Variants in TMEM132C observed in about 807,000 individuals in gnomAD.
The protein encoded by TMEM132C is protein phosphatase 1, regulatory subunit 152.
TMEM132C carries 29 observed loss-of-function variants against 61.4 expected under a neutral mutation model. The observed-to-expected ratio is 0.47, with a 90% CI of 0.35 to 0.64. TMEM132C has a LOEUF of 0.64. Among genes scored for constraint, TMEM132C ranks in the 30% least tolerant of loss-of-function variants. The probability of loss-of-function intolerance (pLI) is 0.00; values close to 1 mark genes in which losing one functional copy is unlikely to be tolerated. For missense variants in TMEM132C, 1,408 were observed against 1,476.9 expected (o/e 0.95, Z 0.76); for synonymous variants, 656 against 633.1 (o/e 1.04, Z -0.54).
At chr12:128,564,315 G>C (rs1318428878) in intron 3 of TMEM132C, among the ~76,000 whole-genome samples, 1 of 152,182 alleles carries the variant, frequency 6.6e-6, no homozygotes, top group African/African-American at 2.4e-5. Flanking sequence ...CAACACCTTT[G>C]TGTTGAGAAA....
chr12:128,304,837 G>T (rs941858281), intron 1 of TMEM132C, among the ~76,000 whole-genome samples: 3 of 152,190 alleles, frequency 2.0e-5, no homozygotes, highest in African/African-American at 7.2e-5. Context: ...GGCCACTTCA[G>T]TTAGGAAAGG....
chr12:128,569,996 G>A (rs1313096962), intron 3 of TMEM132C, among the ~76,000 whole-genome samples: 2 of 152,106 alleles, frequency 1.3e-5, no homozygotes, highest in Non-Finnish European at 2.9e-5. Context: ...GATCACTTTC[G>A]ATGCTCTTTT....
chr12:128,461,373 A>C (rs574804738), intron 2 of TMEM132C, among the ~76,000 whole-genome samples: 1 of 152,326 alleles, frequency 6.6e-6, no homozygotes. Context: ...GACATTTTCA[A>C]ATACTTTGAG....
At chr12:128,305,941 A>C (rs1009566065) in intron 1 of TMEM132C, among the ~76,000 whole-genome samples, 2 of 152,184 alleles carry the variant, frequency 1.3e-5, no homozygotes, top group Non-Finnish European at 2.9e-5. Context: ...AGATTATCTC[A>C]AGGAGTCAGT....
At chr12:128,466,042 C>A (rs556964378) in intron 2 of TMEM132C, among the ~76,000 whole-genome samples, 2 of 151,910 alleles carry the variant, frequency 1.3e-5, no homozygotes, top group Admixed American at 1.3e-4. Flanking sequence ...AAAATTAATG[C>A]CAAAAAAACC....
At chr12:128,430,829 G>A (rs571684978) in intron 2 of TMEM132C, among the ~76,000 whole-genome samples, 46 of 152,320 alleles carry the variant, frequency 3.0e-4, no homozygotes, top group Non-Finnish European at 2.5e-4. Context: ...AATAAATGTT[G>A]TGTGTGTTTT....
At chr12:128,340,937 TC>T (rs1485490673) in intron 1 of TMEM132C, among the ~76,000 whole-genome samples, 3 of 128,732 alleles carry the variant, frequency 2.3e-5, no homozygotes, top group East Asian at 2.1e-4. Flanking sequence ...TCTCTCTCTC[TC>T]TCTCTCTTTC....
intron 1 of TMEM132C, among the ~76,000 whole-genome samples, chr12:128,410,615 AG>A (rs1295896351): frequency 6.6e-6 from 1 of 152,150 alleles, no homozygotes; most frequent in Non-Finnish European, 1.5e-5. Context: ...CATGTTGGCC[AG>A]GATGGTCTCG....
chr12:128,686,100 GTGTGTGCATGTGTGTGTGCATGTA>G (rs990640465), intron 5 of TMEM132C, among the ~76,000 whole-genome samples: 1 of 149,828 alleles, frequency 6.7e-6, no homozygotes, highest in Admixed American at 6.6e-5. Flanking sequence ...GTGTGCGCAT[GTGTGTGCATGTGTGTGTGCATGTA>G]TGTGTGCATG....
At chr12:128,620,712 T>G (rs938323767) in intron 4 of TMEM132C, among the ~76,000 whole-genome samples, 3 of 152,122 alleles carry the variant, frequency 2.0e-5, no homozygotes. Flanking sequence ...TTTGAAAAGT[T>G]TCAAATCATT....
intron 6 of TMEM132C, among the ~76,000 whole-genome samples, chr12:128,694,789 G>A (rs189483546): frequency 3.3e-5 from 5 of 152,216 alleles, no homozygotes; most frequent in Non-Finnish European, 5.9e-5. Context: ...GAGGAAAGCT[G>A]TGAATCTACC....
Position 128,297,141 on chromosome 12 carries a change from G to A in TMEM132C, c.85+29654G>A, listed in dbSNP as rs529758230. Among the ~76,000 whole-genome samples, 123 of 152,228 alleles carry A rather than the reference G, an allele frequency of 8.1e-4. 1 individual carries two copies. Among genetic ancestry groups the A allele is most frequent in the African/African-American group, 2.8e-3 (117 of 41,548 alleles). ...AGAAAGCAGCAAGGGTCTGTTTTTA[G>A]GGGCTGGACTGGCCATCTTTTCAGT... On this transcript the variant is annotated intron_variant, in intron 1 of 8. Coordinates refer to ENST00000435159, the MANE Select transcript of TMEM132C (RefSeq NM_001136103.3).
chr12:128,543,772 C>T (rs1873846360), intron 2 of TMEM132C, among the ~76,000 whole-genome samples, 185 bp from the exon 3 acceptor site: 1 of 152,106 alleles, frequency 6.6e-6, no homozygotes, highest in East Asian at 1.9e-4. Context: ...CTGCCTTATC[C>T]ACAGGCAGAT....
chr12:128,441,233 A>G (rs966916337), intron 2 of TMEM132C, among the ~76,000 whole-genome samples: 2 of 152,182 alleles, frequency 1.3e-5, no homozygotes, highest in Admixed American at 6.5e-5. Context: ...GCCACGGTCA[A>G]CCTCATCAGA....
At chr12:128,492,601 GTGA>G (rs1871779965) in intron 2 of TMEM132C, among the ~76,000 whole-genome samples, 1 of 152,200 alleles carries the variant, frequency 6.6e-6, no homozygotes, top group Admixed American at 6.5e-5. Flanking sequence ...CTGATGGCCA[GTGA>G]TGATGAGCAT....
chr12:128,441,996 A>G (rs897415028), intron 2 of TMEM132C, among the ~76,000 whole-genome samples: 1 of 152,164 alleles, frequency 6.6e-6, no homozygotes, highest in Admixed American at 6.5e-5. Context: ...GCAAGACTCC[A>G]TCTCTAATTA....
chr12:128,556,821 C>T (rs1874348183), intron 3 of TMEM132C, among the ~76,000 whole-genome samples: 1 of 152,144 alleles, frequency 6.6e-6, no homozygotes, highest in Non-Finnish European at 1.5e-5. Context: ...TGTCCAGCTG[C>T]CCCTGACTGC....
At chr12:128,496,473 T>A (rs2136104947) in intron 2 of TMEM132C, among the ~76,000 whole-genome samples, 1 of 152,330 alleles carries the variant, frequency 6.6e-6, no homozygotes, top group South Asian at 2.1e-4. Flanking sequence ...GGTACACCAA[T>A]CAGATGTAGA....
At chr12:128,425,627 C>T (rs1869154047) in intron 2 of TMEM132C, among the ~76,000 whole-genome samples, 1 of 152,158 alleles carries the variant, frequency 6.6e-6, no homozygotes, top group Non-Finnish European at 1.5e-5. Flanking sequence ...TTCTAGAGGC[C>T]AGAAGCCTGA....
Sources: gnomAD v4.1 joint callset for allele counts (sites outside exome capture counted in the v4.1 genomes callset) on GRCh38, gnomAD v4.1.1 for gene constraint, MANE v1.5 for transcripts, NCBI Gene and HGNC (gene_info 2026-07-23, HGNC 2026-07-21) for gene names.